KAZN: variants seen among roughly 807,000 people sequenced by gnomAD.
KAZN encodes the protein kazrin, periplakin interacting protein.
A neutral mutation model predicts 87.4 loss-of-function variants in KAZN; 40 were observed. That is an observed-to-expected ratio of 0.46 (90% CI 0.36 to 0.60). The LOEUF (loss-of-function observed/expected upper bound fraction) is 0.60, where lower values mean the gene tolerates loss of function less well. KAZN is among the 20% of genes least tolerant of loss of function. The pLI, the probability that KAZN is intolerant of heterozygous loss-of-function variation, is 0.00. For synonymous variants in KAZN, 466 were observed against 458.3 expected (o/e 1.02, Z -0.22); for missense variants, 898 against 1,073.9 (o/e 0.84, Z 2.29).
intron 1 of KAZN, among the ~76,000 whole-genome samples, chr1:14,163,664 A>G (rs1557527388): frequency 6.6e-6 from 1 of 152,134 alleles, no homozygotes; most frequent in African/African-American, 2.4e-5. Flanking sequence ...GTGACCAATT[A>G]TTATTTTAGT....
At chr1:14,096,463 C>T (rs758056737) in intron 1 of KAZN, among the ~76,000 whole-genome samples, 7 of 152,300 alleles carry the variant, frequency 4.6e-5, no homozygotes, top group Non-Finnish European at 1.0e-4. Flanking sequence ...TTCCATGGCT[C>T]ACCACCTGCT....
chr1:14,485,547 C>T (rs997940488), intron 2 of KAZN, among the ~76,000 whole-genome samples: 10 of 152,112 alleles, frequency 6.6e-5, no homozygotes, highest in Non-Finnish European at 7.4e-5. Flanking sequence ...ATTCAGTGAT[C>T]CAAAAGTTAC....
rs184133091 is a variant in KAZN at position 15,010,181 on chromosome 1, G to A, written c.419-24568G>A. Among the ~76,000 whole-genome samples the A allele has an allele frequency of 1.4e-4, 21 of 152,218 alleles. No individual in the cohort carries two copies. The East Asian group carries it at 3.7e-3, about 27-fold the overall frequency. ...AGGAAACATGTTGTTTGTCTGGTAG[G>A]TTTTCCAGGGTCTGGAGTTTGCTAA... On this transcript the variant is annotated intron_variant, in intron 2 of 14. Transcript: ENST00000376030.
At chr1:14,638,199 C>T (rs1041365079) in intron 1 of KAZN, among the ~76,000 whole-genome samples, 1 of 152,202 alleles carries the variant, frequency 6.6e-6, no homozygotes, top group Non-Finnish European at 1.5e-5. Flanking sequence ...AATACGTCCA[C>T]ATTCTGAGGT....
At chr1:14,245,165 G>C (rs533194411) in intron 2 of KAZN, among the ~76,000 whole-genome samples, 1 of 151,868 alleles carries the variant, frequency 6.6e-6, no homozygotes, top group South Asian at 2.1e-4. Flanking sequence ...GGGTTTCACC[G>C]TGTTGGCCAG....
chr1:14,481,182 CTT>C (rs1669063156), intron 2 of KAZN, among the ~76,000 whole-genome samples: 1 of 152,052 alleles, frequency 6.6e-6, no homozygotes, highest in Admixed American at 6.6e-5. Flanking sequence ...ACCTCTGCCT[CTT>C]ATGTGTTGCA....
At chr1:14,564,954 C>T (rs1289891194) in intron 2 of KAZN, among the ~76,000 whole-genome samples, 2 of 152,080 alleles carry the variant, frequency 1.3e-5, no homozygotes, top group East Asian at 3.8e-4. Context: ...CAGACACTAT[C>T]GACAGTATTT....
chr1:14,605,843 A>G (rs1677315756), intron 1 of KAZN, among the ~76,000 whole-genome samples: 1 of 152,252 alleles, frequency 6.6e-6, no homozygotes, highest in Non-Finnish European at 1.5e-5. Flanking sequence ...CAGAGAAACT[A>G]AATCACTTGT....
chr1:14,672,528 A>C (rs1247820815), intron 1 of KAZN, among the ~76,000 whole-genome samples: 1 of 152,186 alleles, frequency 6.6e-6, no homozygotes, highest in Non-Finnish European at 1.5e-5. Flanking sequence ...ATCCCGCCCA[A>C]AGAATCAGCT....
At chr1:14,792,040 C>T (rs1293126482) in intron 1 of KAZN, among the ~76,000 whole-genome samples, 1 of 152,156 alleles carries the variant, frequency 6.6e-6, no homozygotes, top group Admixed American at 6.5e-5. Flanking sequence ...TGCTTCTCAT[C>T]TATACCCTTC....
intron 1 of KAZN, among the ~76,000 whole-genome samples, chr1:14,688,508 A>G (rs370984765): frequency 5.4e-4 from 82 of 152,370 alleles, no homozygotes; most frequent in African/African-American, 1.9e-3. Flanking sequence ...CTCTGCCCTC[A>G]AGCATCTTGT....
At chr1:15,097,611 G>T (rs539915476) in intron 10 of KAZN, among the ~76,000 whole-genome samples, 1 of 152,250 alleles carries the variant, frequency 6.6e-6, no homozygotes, top group South Asian at 2.1e-4. Context: ...CTGACATCAG[G>T]AGTTCGAGAC....
chr1:14,677,624 G>A (rs1331702220), intron 1 of KAZN, among the ~76,000 whole-genome samples: 1 of 152,126 alleles, frequency 6.6e-6, no homozygotes, highest in Non-Finnish European at 1.5e-5. Flanking sequence ...GGGTTCCTCT[G>A]GGAAGGGTTG....
chr1:14,776,166 G>T (rs528841332), intron 1 of KAZN, among the ~76,000 whole-genome samples: 1 of 152,208 alleles, frequency 6.6e-6, no homozygotes, highest in African/African-American at 2.4e-5. Flanking sequence ...ACCACGCCTG[G>T]CTAATTTTTG....
intron 2 of KAZN, among the ~76,000 whole-genome samples, chr1:14,223,813 A>G (rs1647166486): frequency 6.6e-6 from 1 of 152,112 alleles, no homozygotes; most frequent in Non-Finnish European, 1.5e-5. Context: ...TGATTTGTCC[A>G]CCCTGGGTCC....
intron 2 of KAZN, among the ~76,000 whole-genome samples, chr1:14,332,503 C>G (rs1656921804): frequency 6.6e-6 from 1 of 152,184 alleles, no homozygotes; most frequent in African/African-American, 2.4e-5. Context: ...TGACTGTGCT[C>G]CACATGGTTC....
At chr1:14,624,782 T>C (rs536724015) in intron 1 of KAZN, among the ~76,000 whole-genome samples, 23 of 152,302 alleles carry the variant, frequency 1.5e-4, no homozygotes, top group African/African-American at 5.1e-4. Context: ...ACTCAAATGT[T>C]GGAGCTTACA....
chr1:15,055,281 A>C (rs1464753474), intron 4 of KAZN, among the ~76,000 whole-genome samples: 1 of 152,200 alleles, frequency 6.6e-6, no homozygotes, highest in African/African-American at 2.4e-5. Context: ...GTTCAAGACC[A>C]GCCTGGCCAA....
rs769836668 is a variant in KAZN at position 15,056,254 on chromosome 1, A to ACCC, written c.894_896dup (p.Pro299dup). On this transcript the variant is annotated inframe_insertion, in exon 5 of 15. Coordinates refer to ENST00000376030, the MANE Select transcript of KAZN (RefSeq NM_201628.3). The surrounding 1 kb of genome is among the most constrained non-coding windows in gnomAD (Gnocchi z 5.4). ...AGTCAACAGACTCTCTACCACTCACACCCCCCTCACCCTGCGGACCGGCAA... is the reference window on the plus strand; with the variant it reads ...AGTCAACAGACTCTCTACCACTCACACCCCCCCCCTCACCCTGCGGACCGGCAA... The ACCC allele has an allele frequency of 6.2e-7, 1 of 1,608,090 alleles. No individual in the cohort carries two copies.
Sources: gnomAD v4.1 joint callset for allele counts (sites outside exome capture counted in the v4.1 genomes callset) on GRCh38, gnomAD v4.1.1 for gene constraint, Gnocchi (gnomAD v3.1) non-coding constraint, MANE v1.5 for transcripts, NCBI Gene and HGNC (gene_info 2026-07-23, HGNC 2026-07-21) for gene names.